ZNF536: variants seen among roughly 807,000 people sequenced by gnomAD.
The protein encoded by ZNF536 is zinc finger protein 536.
In ZNF536, 13 loss-of-function variants were observed where a neutral mutation model predicts 84.5. The ratio of observed to expected loss-of-function variants is 0.15; its 90% CI spans 0.10 to 0.24. The LOEUF (loss-of-function observed/expected upper bound fraction) is 0.24, where lower values mean the gene tolerates loss of function less well. Ranked by LOEUF, ZNF536 falls within the 10% of genes least tolerant of loss-of-function variation. ZNF536 has a pLI of 1.00. For missense variants in ZNF536, 1,536 were observed against 1,747.5 expected (o/e 0.88, Z 2.16); for synonymous variants, 811 against 742.5 (o/e 1.09, Z -1.50).
At chr19:30,550,979 AAAG>A (rs1463403502) in intron 4 of ZNF536, among the ~76,000 whole-genome samples, 1 of 152,182 alleles carries the variant, frequency 6.6e-6, no homozygotes, top group Non-Finnish European at 1.5e-5. Context: ...ACAATATTTA[AAAG>A]AAGGGAAAAA....
At chr19:30,546,331 T>A (rs1258538980) in intron 3 of ZNF536, among the ~76,000 whole-genome samples, 1 of 152,252 alleles carries the variant, frequency 6.6e-6, no homozygotes, top group African/African-American at 2.4e-5. Flanking sequence ...TAGAGATGAC[T>A]GTGACCTTTA....
chr19:30,594,668 G>T (rs997163665), intron 1 of ZNF536, among the ~76,000 whole-genome samples: 3 of 151,998 alleles, frequency 2.0e-5, no homozygotes, highest in African/African-American at 7.2e-5. Flanking sequence ...GGCACCCCCT[G>T]GGTGAGGGGT....
At chr19:30,496,383 G>T (rs192852195) in intron 2 of ZNF536, among the ~76,000 whole-genome samples, 3 of 152,290 alleles carry the variant, frequency 2.0e-5, no homozygotes, top group Non-Finnish European at 4.4e-5. Flanking sequence ...TTCTGGGGAT[G>T]CCATGGTCCT....
intron 3 of ZNF536, among the ~76,000 whole-genome samples, chr19:30,541,397 G>GAA (rs34866942): frequency 2.2e-5 from 3 of 137,316 alleles, no homozygotes; most frequent in Non-Finnish European, 4.7e-5. Context: ...GAGTAATGAT[G>GAA]AAAAAAAAAA....
chr19:30,662,004 CCT>C (rs1186457665), intron 1 of ZNF536, among the ~76,000 whole-genome samples: 3 of 152,106 alleles, frequency 2.0e-5, no homozygotes, highest in Admixed American at 6.5e-5. Context: ...ATAACCATCC[CCT>C]GACGACCTTG....
intron 1 of ZNF536, among the ~76,000 whole-genome samples, chr19:30,271,457 C>T (rs1336866820): frequency 2.0e-5 from 3 of 152,038 alleles, no homozygotes; most frequent in South Asian, 4.2e-4. Context: ...TTTTCTCATC[C>T]CTTCTCCAGA....
chr19:30,383,470 C>T (rs2049103391), intron 1 of ZNF536, among the ~76,000 whole-genome samples: 2 of 152,288 alleles, frequency 1.3e-5, no homozygotes, highest in South Asian at 4.1e-4. Flanking sequence ...GAGGTGGCTG[C>T]ACCCCACCAA....
chr19:30,423,766 GAGCAAGGCTGGCAGTGAC>G (rs969727092), intron 1 of ZNF536, among the ~76,000 whole-genome samples: 2 of 152,150 alleles, frequency 1.3e-5, no homozygotes, highest in Admixed American at 1.3e-4. Flanking sequence ...GCTTCGGCAG[GAGCAAGGCTGGCAGTGAC>G]AGCAGCTGTG....
intron 1 of ZNF536, among the ~76,000 whole-genome samples, chr19:30,271,299 CTTTT>C (rs781528411): frequency 7.2e-5 from 8 of 111,858 alleles, no homozygotes; most frequent in Non-Finnish European, 6.8e-5. Context: ...TTTTTCTTTT[CTTTT>C]TTTTTTTTTT....
chr19:30,299,764 C>T (rs150188108), intron 2 of ZNF536, among the ~76,000 whole-genome samples: 17 of 152,172 alleles, frequency 1.1e-4, no homozygotes, highest in African/African-American at 2.4e-4. Flanking sequence ...ATGTACAACT[C>T]GGTTAAGAGT....
intron 1 of ZNF536, among the ~76,000 whole-genome samples, chr19:30,689,615 C>T (rs2051329569): frequency 6.6e-6 from 1 of 152,292 alleles, no homozygotes; most frequent in East Asian, 1.9e-4. Context: ...AGGTACATGG[C>T]CCTGGCCTTG....
chr19:30,357,900 A>T (rs1364469648), intron 3 of ZNF536, among the ~76,000 whole-genome samples: 1 of 151,608 alleles, frequency 6.6e-6, no homozygotes, highest in African/African-American at 2.4e-5. Context: ...CCTTGTACAG[A>T]CTCTGCTTCT....
chr19:30,450,969 G>T lies in ZNF536; in HGVS notation c.2170+5237G>T, dbSNP rs538800843. The stretch of plus-strand genomic sequence containing the variant: ...AGCCGAGCGCCATATGCAGCCCTTC[G>T]GTCTCTGCCGTGGAAGCGTGTGCAG... On this transcript the variant is annotated intron_variant, in intron 2 of 4. Transcript: ENST00000355537. Among the ~76,000 whole-genome samples the T allele has an allele frequency of 1.3e-3, 196 of 152,348 alleles. 1 individual carries two copies. The highest frequency in any genetic ancestry group is 2.3e-3 in the Non-Finnish European group (155 of 68,024).
chr19:30,385,872 A>G (rs2147259367), intron 1 of ZNF536, among the ~76,000 whole-genome samples: 1 of 152,304 alleles, frequency 6.6e-6, no homozygotes, highest in Admixed American at 6.5e-5. Flanking sequence ...GTGGAGCCAC[A>G]GCCACATAGA....
In ZNF536 at chr19:30,276,305, G is replaced by A. The variant is rs1244836416; in HGVS notation, c.-189-7767G>A. On this transcript the variant is annotated intron_variant, in intron 1 of 5. Coordinates refer to the ZNF536 transcript ENST00000585628. ...CCAGCAAGCATGAGCCCAGTGGAAC[G>A]GAGAGTTAAACTTGGAATTTCTTGG... is the stretch of plus-strand genomic sequence containing the variant. Among the ~76,000 whole-genome samples, 15 of 152,136 alleles carry A rather than the reference G, an allele frequency of 9.9e-5. No individual in the cohort carries two copies. In the South Asian group the frequency reaches 1.0e-3, roughly 11 times the overall value.
At chr19:30,712,100 CTGTT>C (rs1465364474) in exon 2 of ZNF536, 2 of 151,964 alleles carry the variant, frequency 1.3e-5, no homozygotes, top group African/African-American at 2.4e-5. Context: ...ATGACGAAAA[CTGTT>C]TGAGTTAAAA....
At chr19:30,392,802 G>A (rs750756124) in intron 1 of ZNF536, among the ~76,000 whole-genome samples, 1 of 152,174 alleles carries the variant, frequency 6.6e-6, no homozygotes, top group Non-Finnish European at 1.5e-5. Flanking sequence ...GTAATTAACT[G>A]TTTTTTCTCT....
intron 1 of ZNF536, among the ~76,000 whole-genome samples, chr19:30,603,775 T>C (rs2047774046): frequency 6.6e-6 from 1 of 152,062 alleles, no homozygotes; most frequent in Non-Finnish European, 1.5e-5. Flanking sequence ...TTTCTAGAAA[T>C]TAATACTAAG....
intron 2 of ZNF536, among the ~76,000 whole-genome samples, chr19:30,450,202 G>A (rs1031016563): frequency 2.0e-5 from 3 of 151,540 alleles, no homozygotes; most frequent in Non-Finnish European, 4.4e-5. Flanking sequence ...TATTGTTGCC[G>A]AGCGAACAGC....
Sources: gnomAD v4.1 joint callset for allele counts (sites outside exome capture counted in the v4.1 genomes callset) on GRCh38, gnomAD v4.1.1 for gene constraint, MANE v1.5 for transcripts, NCBI Gene and HGNC (gene_info 2026-07-23, HGNC 2026-07-21) for gene names.